MATCAP2: variants seen among roughly 807,000 people sequenced by gnomAD.
MATCAP2 encodes the protein microtubule associated tyrosine carboxypeptidase 2.
chr7:36,329,082 T>C, the MATCAP2 span, among the ~76,000 whole-genome samples: 4 of 152,134 alleles, frequency 2.6e-5, no homozygotes, highest in Admixed American at 2.0e-4. Flanking sequence ...AGAACTCATG[T>C]TCATATTATA....
the MATCAP2 span, chr7:36,334,264 C>A: frequency 1.0e-6 from 1 of 996,588 alleles, no homozygotes; most frequent in Non-Finnish European, 1.5e-6. Context: ...CAGCCAGGCG[C>A]GGTGGCTCAT....
At chr7:36,341,703 G>C in the MATCAP2 span, among the ~76,000 whole-genome samples, 1 of 152,174 alleles carries the variant, frequency 6.6e-6, no homozygotes, top group Non-Finnish European at 1.5e-5. Context: ...AGAAGTTCAA[G>C]ACAAGACCTA....
At chr7:36,380,003 C>A in the MATCAP2 span, among the ~76,000 whole-genome samples, 372 of 152,256 alleles carry the variant, frequency 2.4e-3, 3 homozygotes, top group African/African-American at 8.5e-3. Context: ...CACAACTTTT[C>A]TGTAAGTCTG....
the MATCAP2 span, among the ~76,000 whole-genome samples, chr7:36,384,705 C>T: frequency 2.0e-5 from 3 of 152,158 alleles, no homozygotes; most frequent in African/African-American, 7.2e-5. Context: ...AGTCTTCTTT[C>T]AGGAGGTAGC....
At chr7:36,330,851 G>A in the MATCAP2 span, 13 of 547,050 alleles carry the variant, frequency 2.4e-5, no homozygotes, top group Admixed American at 1.1e-4. Flanking sequence ...CTCTTGATAC[G>A]ACATAAAGAA....
the MATCAP2 span, among the ~76,000 whole-genome samples, chr7:36,374,836 G>T: frequency 2.5e-4 from 38 of 152,266 alleles, no homozygotes; most frequent in African/African-American, 8.7e-4. Context: ...ATGGTTTCCA[G>T]CTTCATCCAT....
chr7:36,388,010 TAC>T, the MATCAP2 span, among the ~76,000 whole-genome samples: 1 of 152,236 alleles, frequency 6.6e-6, no homozygotes, highest in African/African-American at 2.4e-5. Context: ...TTCCATATAC[TAC>T]ACACTCGGAC....
At chr7:36,388,519 A>G in the MATCAP2 span, among the ~76,000 whole-genome samples, 1 of 152,254 alleles carries the variant, frequency 6.6e-6, no homozygotes, top group African/African-American at 2.4e-5. Context: ...TGGGAGGAAT[A>G]GTTCTGTTTT....
chr7:36,327,627 G>A, the MATCAP2 span, among the ~76,000 whole-genome samples: 1 of 152,140 alleles, frequency 6.6e-6, no homozygotes, highest in South Asian at 2.1e-4. Flanking sequence ...TATTAAATTA[G>A]AAAAATTAGC....
chr7:36,382,692 A>G, the MATCAP2 span, among the ~76,000 whole-genome samples: 1 of 152,108 alleles, frequency 6.6e-6, no homozygotes, highest in Non-Finnish European at 1.5e-5. Flanking sequence ...ACAGGGTTTC[A>G]CCGTGTTAGC....
At chr7:36,353,026 G>A in the MATCAP2 span, among the ~76,000 whole-genome samples, 2 of 151,884 alleles carry the variant, frequency 1.3e-5, no homozygotes, top group Non-Finnish European at 2.9e-5. Context: ...TGTAATCTTA[G>A]CACTTTGGGA....
chr7:36,367,117 T>C, the MATCAP2 span: 5 of 1,232,692 alleles, frequency 4.1e-6, no homozygotes, highest in Non-Finnish European at 5.0e-6. Flanking sequence ...GTACCGACAC[T>C]GACTGTGAGC....
At chr7:36,365,893 CTA>C in the MATCAP2 span, among the ~76,000 whole-genome samples, 13 of 152,304 alleles carry the variant, frequency 8.5e-5, no homozygotes, top group Admixed American at 7.2e-4. Context: ...GATCCTGGAA[CTA>C]TGTTTCCTGT....
At chr7:36,336,517 T>G in the MATCAP2 span, among the ~76,000 whole-genome samples, 1 of 152,186 alleles carries the variant, frequency 6.6e-6, no homozygotes, top group African/African-American at 2.4e-5. Flanking sequence ...TCTTCCCCTG[T>G]GTTCATTTCT....
the MATCAP2 span, among the ~76,000 whole-genome samples, chr7:36,360,374 A>C: frequency 6.6e-6 from 1 of 152,202 alleles, no homozygotes; most frequent in Non-Finnish European, 1.5e-5. Context: ...CAGCGGGGTG[A>C]CAGTATATGC....
the MATCAP2 span, among the ~76,000 whole-genome samples, chr7:36,370,630 C>T: frequency 1.4e-4 from 21 of 151,848 alleles, no homozygotes; most frequent in African/African-American, 4.1e-4. Flanking sequence ...TACAGGCATG[C>T]GCCACCACAC....
the MATCAP2 span, among the ~76,000 whole-genome samples, chr7:36,370,197 T>A: frequency 6.6e-6 from 1 of 152,238 alleles, no homozygotes; most frequent in African/African-American, 2.4e-5. Context: ...TCTGCTTTGT[T>A]AATTACTGAT....
the MATCAP2 span, chr7:36,389,749 C>T: frequency 7.3e-6 from 3 of 412,682 alleles, no homozygotes; most frequent in Non-Finnish European, 1.3e-5. Flanking sequence ...ACCACCCGGC[C>T]CGGCGCGGCC....
the MATCAP2 span, among the ~76,000 whole-genome samples, chr7:36,372,512 C>T: frequency 3.3e-5 from 5 of 152,140 alleles, no homozygotes; most frequent in Non-Finnish European, 7.3e-5. Flanking sequence ...CTTTGTGAAA[C>T]GCCTCTGCCT....
Sources: gnomAD v4.1 joint callset for allele counts (sites outside exome capture counted in the v4.1 genomes callset) on GRCh38, gnomAD v4.1.1 for gene constraint, MANE v1.5 for transcripts, NCBI Gene and HGNC (gene_info 2026-07-23, HGNC 2026-07-21) for gene names.